Variants in CSMD2 observed in about 807,000 individuals in gnomAD.
The protein encoded by CSMD2 is CUB and Sushi multiple domains 2.
Under a neutral mutation model 398.5 loss-of-function variants are expected in CSMD2, and 130 were observed. The observed-to-expected ratio is 0.33, with a 90% CI of 0.28 to 0.38. CSMD2 has a LOEUF of 0.38. Ranked by LOEUF, CSMD2 falls within the 10% of genes least tolerant of loss-of-function variation. The pLI is 1.00. For synonymous variants in CSMD2, 1,828 were observed against 1,908.5 expected (o/e 0.96, Z 1.10); for missense variants, 3,829 against 4,764.9 (o/e 0.80, Z 5.78).
intron 5 of CSMD2, chr1:33,870,384 T>A (rs2273570): frequency 0.79 from 119,700 of 152,090 alleles, 47,205 homozygotes; most frequent in South Asian, 0.89. Flanking sequence ...AAGCAGGAGA[T>A]AAAGCTTGGC....
At chr1:33,789,098 C>A (rs552888490) in intron 11 of CSMD2, among the ~76,000 whole-genome samples, 5 of 152,260 alleles carry the variant, frequency 3.3e-5, no homozygotes, top group African/African-American at 1.2e-4. Context: ...GCAGAAAAGA[C>A]CACCGCCACC....
chr1:33,795,347 C>T (rs6690935), intron 10 of CSMD2, among the ~76,000 whole-genome samples: 19,525 of 152,164 alleles, frequency 0.13, 1,783 homozygotes, highest in African/African-American at 0.26. Flanking sequence ...ATCATGGGAT[C>T]ATTTCCTCAG....
intron 2 of CSMD2, among the ~76,000 whole-genome samples, chr1:34,046,110 G>T (rs763506707): frequency 6.6e-6 from 1 of 152,166 alleles, no homozygotes; most frequent in Non-Finnish European, 1.5e-5. Flanking sequence ...GCTACCTTCC[G>T]TTAGATGACA....
Position 33,541,249 on chromosome 1 carries a change from C to T in CSMD2, c.9338G>A (p.Arg3113Lys), listed in dbSNP as rs370502894. The T allele has an allele frequency of 1.2e-5, 20 of 1,613,952 alleles. No homozygotes were observed. Among genetic ancestry groups the T allele is most frequent in the Non-Finnish European group, 1.6e-5 (19 of 1,180,006 alleles). Residue 3113 changes from arginine to lysine, a missense_variant, in exon 59 of 71, where the codon AGG becomes AAG. Arg to Lys is a conservative substitution (Grantham distance 26). This residue lies in a region of CSMD2 where 917 missense variants were observed against 1,199.5 expected (regional missense o/e 0.76). Transcript: ENST00000373381. ...ANGLRLGNDF[R>K]YNKTVTYQCV... ...CTGATATGTCACAGTTTTGTTGTAC[C>T]TGAAGTCATTGCCCAGCCGAAGGCC...
intron 1 of CSMD2, among the ~76,000 whole-genome samples, chr1:34,145,086 C>T (rs1454579575): frequency 1.3e-5 from 2 of 152,188 alleles, no homozygotes; most frequent in Non-Finnish European, 2.9e-5. Flanking sequence ...AAACTTTAGC[C>T]CCTTGGCAAG....
intron 12 of CSMD2, among the ~76,000 whole-genome samples, chr1:33,787,173 A>AG (rs1240642249): frequency 6.6e-6 from 1 of 152,184 alleles, no homozygotes; most frequent in Non-Finnish European, 1.5e-5. Flanking sequence ...AGGGAGAAGC[A>AG]GGGGAGGATT....
intron 44 of CSMD2, among the ~76,000 whole-genome samples, chr1:33,589,616 C>G (rs1639298489): frequency 6.6e-6 from 1 of 152,138 alleles, no homozygotes; most frequent in Non-Finnish European, 1.5e-5. Context: ...AGTTTAAATA[C>G]TTAAAACATC....
rs116164782 is a variant in CSMD2 at position 33,563,745 on chromosome 1, G to A, written c.8380+3848C>T. 2.5e-3 allele frequency among the ~76,000 whole-genome samples: 375 copies of A among 152,178 alleles called. 4 individuals are homozygous for A. Among genetic ancestry groups the A allele is most frequent in the African/African-American group, 8.8e-3 (363 of 41,464 alleles). Reference sequence around the variant, plus strand: ...AGTTATTTGCTGAGAACGTAGGTAGGGGCGATGGAATATAAGTCTTCAGAA... The same window carrying A: ...AGTTATTTGCTGAGAACGTAGGTAGAGGCGATGGAATATAAGTCTTCAGAA... On this transcript the variant is annotated intron_variant, in intron 53 of 70. Coordinates refer to ENST00000373381, the MANE Select transcript of CSMD2 (RefSeq NM_001281956.2).
Position 34,151,408 on chromosome 1 carries a change from G to A in CSMD2, c.187+13503C>T, listed in dbSNP as rs72888135. 5.4e-3 allele frequency among the ~76,000 whole-genome samples: 826 copies of A among 152,240 alleles called. 5 individuals carry two copies. The highest frequency in any genetic ancestry group is 0.018 in the African/African-American group (757 of 41,536). Reference sequence around the variant, plus strand: ...GAAGCCTGGTTAAAGAAAAGGCCACGGAGGGGAGGGTCCTGGCTGGGGTGA... The same window carrying A: ...GAAGCCTGGTTAAAGAAAAGGCCACAGAGGGGAGGGTCCTGGCTGGGGTGA... On this transcript the variant is annotated intron_variant, in intron 1 of 70. Transcript: ENST00000373381.
At chr1:33,952,446 C>T (rs1271038329) in intron 3 of CSMD2, among the ~76,000 whole-genome samples, 1 of 152,238 alleles carries the variant, frequency 6.6e-6, no homozygotes, top group Non-Finnish European at 1.5e-5. Context: ...ATTGCTCATT[C>T]ATGATCGTTT....
intron 1 of CSMD2, among the ~76,000 whole-genome samples, chr1:34,113,906 G>A (rs56039973): frequency 0.018 from 2,804 of 152,278 alleles, 41 homozygotes; most frequent in Middle Eastern, 0.034. Context: ...CTTCCCCCTT[G>A]GAAAGGAAAG....
At chr1:33,678,538 AACAG>A (rs1644797320) in intron 25 of CSMD2, among the ~76,000 whole-genome samples, 1 of 152,148 alleles carries the variant, frequency 6.6e-6, no homozygotes, top group South Asian at 2.1e-4. Context: ...CATGTGAATG[AACAG>A]CTGCTGCAGG....
At chr1:33,885,391 G>A (rs1203189575) in intron 5 of CSMD2, 1 of 152,148 alleles carries the variant, frequency 6.6e-6, no homozygotes, top group East Asian at 1.9e-4. Flanking sequence ...AGACAACAAT[G>A]AACTTAAGAC....
At position 33,624,666 on chromosome 1, in the gene CSMD2, C is replaced by T. The variant is rs373827338; in HGVS notation, c.5501-23G>A. The T allele has an allele frequency of 1.4e-5, 22 of 1,601,110 alleles. No individual in the cohort carries two copies. The African/African-American group carries it at 2.0e-4, about 15-fold the overall frequency. On this transcript the variant is annotated intron_variant, in intron 34 of 70. Coordinates refer to ENST00000373381, the MANE Select transcript of CSMD2 (RefSeq NM_001281956.2). This position sits in a 1 kb window ranked among gnomAD's most constrained non-coding sequence, Gnocchi z 4.7. ...GCACTGGGAGGAGAGGCCATCGGGT[C>T]AGAGGCTTTGTGGCCTCCCGTGGGA...
intron 1 of CSMD2, among the ~76,000 whole-genome samples, chr1:34,089,496 G>C (rs1475222281): frequency 6.6e-6 from 1 of 152,152 alleles, no homozygotes. Context: ...ATACCAGGCT[G>C]AACTCAGACT....
intron 2 of CSMD2, among the ~76,000 whole-genome samples, chr1:34,057,435 G>A (rs1653962290): frequency 6.6e-6 from 1 of 152,098 alleles, no homozygotes; most frequent in Admixed American, 6.5e-5. Flanking sequence ...TAGAGTGGGA[G>A]GCTCCTGGTG....
rs1212485290 is a variant in CSMD2, at chr1:34,164,521, G to C, written c.187+390C>G. Among the ~76,000 whole-genome samples the C allele has an allele frequency of 4.6e-5, 7 of 152,254 alleles. No homozygotes were observed. The highest frequency in any genetic ancestry group is 1.3e-4 in the Admixed American group (2 of 15,304). On this transcript the variant is annotated intron_variant, in intron 1 of 70. Coordinates refer to ENST00000373381, the MANE Select transcript of CSMD2 (RefSeq NM_001281956.2). The surrounding 1 kb of genome is among the most constrained non-coding windows in gnomAD (Gnocchi z 6.2). ...ACCAGCGTGCCTGGCAGAATCAGGA[G>C]CCGGGGGAGTAGGGCTCCCGGAAAG...
chr1:33,821,765 G>A (rs910302028), intron 7 of CSMD2, among the ~76,000 whole-genome samples: 4 of 152,160 alleles, frequency 2.6e-5, no homozygotes, highest in Non-Finnish European at 4.4e-5. Context: ...CATAAACCAC[G>A]GAAGCGGACT....
chr1:33,522,281 G>A (rs12564170), intron 67 of CSMD2, among the ~76,000 whole-genome samples: 1 of 151,982 alleles, frequency 6.6e-6, no homozygotes, highest in Non-Finnish European at 1.5e-5. Context: ...CAAAAGGCTC[G>A]ACGCTTGTCT....
Sources: gnomAD v4.1 joint callset for allele counts (sites outside exome capture counted in the v4.1 genomes callset) on GRCh38, gnomAD v4.1.1 for gene constraint, gnomAD v4.1.1 regional missense constraint, Gnocchi (gnomAD v3.1) non-coding constraint, MANE v1.5 for transcripts, NCBI Gene and HGNC (gene_info 2026-07-23, HGNC 2026-07-21) for gene names.